The following UNC5D variants were observed in gnomAD, a reference collection of about 807,000 sequenced individuals.
UNC5D encodes the protein netrin receptor UNC5D.
UNC5D carries 39 observed loss-of-function variants against 105.4 expected under a neutral mutation model. The ratio of observed to expected loss-of-function variants is 0.37; its 90% CI spans 0.29 to 0.48. The LOEUF is 0.48. UNC5D is among the 20% of genes least tolerant of loss of function. The probability of loss-of-function intolerance (pLI) is 0.98; values close to 1 mark genes in which losing one functional copy is unlikely to be tolerated. For synonymous variants in UNC5D, 452 were observed against 450.4 expected (o/e 1.00, Z -0.04); for missense variants, 991 against 1,202.4 (o/e 0.82, Z 2.60).
chr8:35,586,708 C>T (rs576920303), intron 3 of UNC5D, among the ~76,000 whole-genome samples: 1 of 152,262 alleles, frequency 6.6e-6, no homozygotes, highest in South Asian at 2.1e-4. Context: ...ACTAATGGGA[C>T]ATCATTCCAT....
intron 4 of UNC5D, among the ~76,000 whole-genome samples, chr8:35,621,920 G>A (rs193009936): frequency 5.8e-4 from 88 of 152,322 alleles, no homozygotes; most frequent in African/African-American, 2.0e-3. Flanking sequence ...AGAGACCTGT[G>A]TTCTAGACTC....
intron 1 of UNC5D, among the ~76,000 whole-genome samples, chr8:35,397,770 CTCTAT>C (rs1804199128): frequency 6.6e-6 from 1 of 152,204 alleles, no homozygotes; most frequent in African/African-American, 2.4e-5. Context: ...AAACTGGCTT[CTCTAT>C]TCAACATTTG....
chr8:35,731,434 AT>A (rs1437949722), intron 11 of UNC5D, among the ~76,000 whole-genome samples: 5 of 145,346 alleles, frequency 3.4e-5, no homozygotes, highest in Admixed American at 1.4e-4. Flanking sequence ...AAAAAAGGGC[AT>A]TTTAAATATG....
intron 1 of UNC5D, among the ~76,000 whole-genome samples, chr8:35,374,438 G>A (rs550150434): frequency 9.2e-5 from 14 of 152,246 alleles, no homozygotes; most frequent in Non-Finnish European, 1.5e-4. Context: ...GCTACAAGAA[G>A]GTAACAATGT....
chr8:35,508,756 A>G (rs1231608060), intron 1 of UNC5D, among the ~76,000 whole-genome samples: 2 of 152,196 alleles, frequency 1.3e-5, no homozygotes, highest in East Asian at 3.9e-4. Context: ...TAAGCCCTTT[A>G]ATTACACACA....
chr8:35,304,658 A>G (rs1563296527), intron 1 of UNC5D, among the ~76,000 whole-genome samples: 1 of 152,100 alleles, frequency 6.6e-6, no homozygotes, highest in Non-Finnish European at 1.5e-5. Flanking sequence ...ATATTAAAAG[A>G]CTGTAATAAT....
At chr8:35,686,131 A>G (rs1326824563) in intron 6 of UNC5D, among the ~76,000 whole-genome samples, 1 of 152,170 alleles carries the variant, frequency 6.6e-6, no homozygotes, top group East Asian at 1.9e-4. Flanking sequence ...GGGCTTAAAG[A>G]TAGTTCATTA....
At chr8:35,431,602 G>A (rs1229563467) in intron 1 of UNC5D, among the ~76,000 whole-genome samples, 1 of 151,922 alleles carries the variant, frequency 6.6e-6, no homozygotes, top group Non-Finnish European at 1.5e-5. Context: ...AACTACAATA[G>A]GTTATTTATG....
chr8:35,514,613 C>G (rs1199043538), intron 1 of UNC5D, among the ~76,000 whole-genome samples: 6 of 152,160 alleles, frequency 3.9e-5, no homozygotes. Context: ...TAGCTTTGAA[C>G]ATTGCTTTAT....
At chr8:35,251,161 A>C (rs1403230010) in intron 1 of UNC5D, among the ~76,000 whole-genome samples, 1 of 152,242 alleles carries the variant, frequency 6.6e-6, no homozygotes, top group South Asian at 2.1e-4. Flanking sequence ...TCATGTTGCT[A>C]TAAGAACATA....
At chr8:35,477,579 G>A (rs1457157857) in intron 1 of UNC5D, among the ~76,000 whole-genome samples, 1 of 151,934 alleles carries the variant, frequency 6.6e-6, no homozygotes, top group Non-Finnish European at 1.5e-5. Context: ...CCATGCACAG[G>A]CTATTCTGAC....
intron 1 of UNC5D, among the ~76,000 whole-genome samples, chr8:35,389,909 C>T (rs28523755): frequency 0.053 from 8,056 of 152,164 alleles, 247 homozygotes; most frequent in African/African-American, 0.086. Context: ...CCTGTTAATC[C>T]CACCTGTTAA....
At chr8:35,290,649 T>TA (rs879410644) in intron 1 of UNC5D, among the ~76,000 whole-genome samples, 27 of 152,074 alleles carry the variant, frequency 1.8e-4, no homozygotes, top group Non-Finnish European at 2.6e-4. Context: ...ATATTAATTT[T>TA]AAAAAAAGAA....
intron 1 of UNC5D, among the ~76,000 whole-genome samples, chr8:35,490,226 G>T (rs74424493): frequency 6.8e-4 from 103 of 152,278 alleles, no homozygotes; most frequent in African/African-American, 2.5e-3. Context: ...TTTGGAGCGG[G>T]GCACTATGGC....
At chr8:35,607,641 G>A (rs1341832349) in intron 4 of UNC5D, among the ~76,000 whole-genome samples, 2 of 152,144 alleles carry the variant, frequency 1.3e-5, no homozygotes, top group African/African-American at 2.4e-5. Flanking sequence ...ATGATAGTGA[G>A]TGAGTTCTCA....
intron 1 of UNC5D, among the ~76,000 whole-genome samples, chr8:35,501,851 T>G (rs181962953): frequency 2.6e-3 from 397 of 152,308 alleles, no homozygotes; most frequent in South Asian, 9.5e-3. Flanking sequence ...TAAAACTTTG[T>G]GTGTTGAAGA....
At chr8:35,439,083 T>C (rs1044876925) in intron 1 of UNC5D, among the ~76,000 whole-genome samples, 1 of 151,944 alleles carries the variant, frequency 6.6e-6, no homozygotes, top group African/African-American at 2.4e-5. Flanking sequence ...TTAAATTATC[T>C]CAGCCCCTAG....
intron 1 of UNC5D, among the ~76,000 whole-genome samples, chr8:35,247,294 G>C (rs1397530531): frequency 1.4e-5 from 2 of 146,832 alleles, no homozygotes; most frequent in African/African-American, 2.5e-5. Flanking sequence ...TTTTTCCTTT[G>C]GCTTACAGAA....
chr8:35,664,654 C>T (rs138731748), intron 4 of UNC5D, among the ~76,000 whole-genome samples: 1 of 152,200 alleles, frequency 6.6e-6, no homozygotes, highest in Non-Finnish European at 1.5e-5. Flanking sequence ...GCTGAGATTA[C>T]AGGTGTGAGC....
Sources: allele counts gnomAD v4.1 joint callset (sites outside exome capture counted in the v4.1 genomes callset), GRCh38; gene constraint gnomAD v4.1.1; transcripts MANE v1.5; gene names NCBI Gene and HGNC (gene_info 2026-07-23, HGNC 2026-07-21).